Variants in AIPL1 observed in about 807,000 individuals in gnomAD.
The protein encoded by AIPL1 is AIP like 1 HSP90 co-chaperone.
AIPL1 carries 23 observed loss-of-function variants against 32.9 expected under a neutral mutation model. That is an observed-to-expected ratio of 0.70 (90% CI 0.50 to 0.99). The LOEUF (loss-of-function observed/expected upper bound fraction) is 0.99, where lower values mean the gene tolerates loss of function less well. AIPL1 is among the 50% of genes least tolerant of loss of function. The probability of loss-of-function intolerance (pLI) is 0.00; values close to 1 mark genes in which losing one functional copy is unlikely to be tolerated. For missense variants in AIPL1, 485 were observed against 506.0 expected (o/e 0.96, Z 0.40); for synonymous variants, 210 against 209.4 (o/e 1.00, Z -0.02).
rs1567645811 is a variant in AIPL1 at position 6,435,028 on chromosome 17, T to C, written c.77A>G (p.Asn26Ser). The C allele has an allele frequency of 6.2e-7, 1 of 1,614,144 alleles. No homozygotes were observed. The highest frequency in any genetic ancestry group is 8.5e-7 in the Non-Finnish European group (1 of 1,180,018). Residue 26 changes from asparagine to serine, a missense_variant, in exon 1 of 6, where the codon AAC becomes AGC. Transcript: ENST00000381129. ...ACTCACTCGGGATCCGGTGATGAAG[T>C]TTGGGAGCTCGCCCGTGCCCCCGTG... ...ILHGGTGELP[N>S]FITGSRVIFH...
At chr17:6,433,617 A>C (rs955643692) in intron 2 of AIPL1, among the ~76,000 whole-genome samples, 1 of 74,266 alleles carries the variant, frequency 1.3e-5, no homozygotes, top group East Asian at 2.9e-4. Flanking sequence ...TCTCTCACAC[A>C]CACACACACA....
At position 6,427,410 on chromosome 17, in the gene AIPL1, T is replaced by A. The variant is rs141771376; in HGVS notation, c.466-353A>T. On this transcript the variant is annotated intron_variant, in intron 3 of 5. Transcript: ENST00000381129. ...ATGAGCACCTTGGAGGAGATGCCGG[T>A]GCACCTTGTGCAGTGCACAGACCAC... 2.0e-5 allele frequency among the ~76,000 whole-genome samples: 3 copies of A among 152,386 alleles called. No homozygotes were observed. The East Asian group carries it at 5.8e-4, about 29-fold the overall frequency.
rs775646053 is a variant in AIPL1, at chr17:6,425,707, C to T, written c.908G>A (p.Arg303Lys). Residue 303 changes from arginine to lysine, a missense_variant, in exon 6 of 6, where the codon AGG (arginine) becomes AAG (lysine). By Grantham distance (26) the Arg-to-Lys change is conservative. Coordinates refer to ENST00000381129, the MANE Select transcript of AIPL1 (RefSeq NM_014336.5). ...GCGGTTCTCCAGCAGCCTCAGCTCC[C>T]TGCGCACCGCCTTCTGCATGGACGG... ...LEPSMQKAVRRELRLLENRMA... is the reference protein window; with the variant it reads ...LEPSMQKAVRKELRLLENRMA... The T allele has an allele frequency of 6.2e-7, 1 of 1,608,340 alleles. No individual in the cohort carries two copies. The highest frequency in any genetic ancestry group is 1.7e-5 in the Admixed American group (1 of 60,024).
rs761923853 is a variant in AIPL1 at position 6,426,945 on chromosome 17, C to T, written c.578G>A (p.Arg193His). 4 of 1,614,094 alleles carry T rather than the reference C, an allele frequency of 2.5e-6. No individual in the cohort carries two copies. Among genetic ancestry groups the T allele is most frequent in the East Asian group, 2.2e-5 (1 of 44,892 alleles). The change falls in exon 4 of 6, where the codon CGC (arginine) becomes CAC (histidine). Residue 193 changes from arginine (R) to histidine (H), a missense_variant. Physicochemically the swap from Arg to His is conservative, Grantham distance 29 (BLOSUM62 0). Coordinates refer to ENST00000381129, the MANE Select transcript of AIPL1 (RefSeq NM_014336.5). ...GTACTTGGAAGAGGCCTCCTCGTAGCGGCCCAGCTTGAAGAGCCGATTTCC... is the reference window on the plus strand; with the variant it reads ...GTACTTGGAAGAGGCCTCCTCGTAGTGGCCCAGCTTGAAGAGCCGATTTCC... ...GEGNRLFKLGRYEEASSKYQE... is the reference protein window; with the variant it reads ...GEGNRLFKLGHYEEASSKYQE...
intron 2 of AIPL1, among the ~76,000 whole-genome samples, chr17:6,429,413 C>T (rs148559811): frequency 2.6e-5 from 4 of 152,308 alleles, no homozygotes; most frequent in East Asian, 1.9e-4. Flanking sequence ...CCCGCCCCAC[C>T]GGCCGGGATT....
chr17:6,425,400 C>T lies in AIPL1; in HGVS notation c.*60G>A, dbSNP rs1421385659. On this transcript the variant is annotated 3_prime_UTR_variant, in exon 6 of 6. Coordinates refer to ENST00000381129, the MANE Select transcript of AIPL1 (RefSeq NM_014336.5). ...AAGTGACACCACGATCCTGGTCAAT[C>T]GAACCAGAAGTGACCAGGCCACTTG... 1.3e-5 allele frequency: 20 copies of T among 1,503,150 alleles called. No homozygotes were observed. In the East Asian group the frequency reaches 3.9e-4, roughly 29 times the overall value. 93.1% of individuals were successfully genotyped at this position (1,503,150 alleles called of 1,614,324 possible).
chr17:6,426,299 G>A (rs1478842494), intron 5 of AIPL1: 4 of 1,350,076 alleles, frequency 3.0e-6, no homozygotes, highest in East Asian at 6.1e-5. Flanking sequence ...TACTAGTACC[G>A]ACATCATAAT....
In AIPL1 at chr17:6,434,353, G is replaced by GCT. The variant is rs1555547872; in HGVS notation, c.97-256_97-255insAG. Among the ~76,000 whole-genome samples, 343 of 91,400 alleles carry GCT rather than the reference G, an allele frequency of 3.8e-3. 3 individuals carry two copies. Among genetic ancestry groups the GCT allele is most frequent in the African/African-American group, 0.013 (326 of 24,546 alleles). The allele number at this position is 91,400 out of a possible 152,430, so 60.0% of individuals were successfully genotyped here. A position where few individuals can be genotyped will look rare whatever the true frequency, so the allele number is the denominator to read the frequency against. On this transcript the variant is annotated intron_variant, in intron 1 of 5. Coordinates refer to ENST00000381129, the MANE Select transcript of AIPL1 (RefSeq NM_014336.5). ...GAAATCCTTCCTCAAGTAAGCCCGA[G>GCT]TTCTTTTTTTTTTTTTTTTTTCTGA...
At chr17:6,430,456 C>CAAAA (rs1169701817) in intron 2 of AIPL1, among the ~76,000 whole-genome samples, 4,945 of 44,426 alleles carry the variant, frequency 0.11, 641 homozygotes, top group Non-Finnish European at 0.15. Context: ...AAGTCCGTCT[C>CAAAA]AAAAAAAAAA....
At position 6,426,594 on chromosome 17, in the gene AIPL1, C is replaced by T. The variant is rs200210506; in HGVS notation, c.784+21G>A. 304 of 1,611,110 alleles carry T rather than the reference C, an allele frequency of 1.9e-4. No homozygotes were observed. Among genetic ancestry groups the T allele is most frequent in the Middle Eastern group, 3.3e-4 (2 of 5,976 alleles). ...CTGGGCTGGGCGCCCCCTCACTGTC[C>T]GCCCCTGCAGCCCCGCGCACCTGGG... On this transcript the variant is annotated intron_variant, in intron 5 of 5. Coordinates refer to ENST00000381129, the MANE Select transcript of AIPL1 (RefSeq NM_014336.5).
chr17:6,435,001 C>G lies in AIPL1; in HGVS notation c.96+8G>C. On this transcript the variant is annotated splice_region_variant and intron_variant, in intron 1 of 5. Coordinates refer to ENST00000381129, the MANE Select transcript of AIPL1 (RefSeq NM_014336.5). ...GGACCCTGTCTGCTCCGGAGGGGCC[C>G]CACTCACTCGGGATCCGGTGATGAA... 1 of 1,614,094 alleles carries G rather than the reference C, an allele frequency of 6.2e-7. No individual in the cohort carries two copies. Among genetic ancestry groups the G allele is most frequent in the South Asian group, 1.1e-5 (1 of 91,076 alleles).
chr17:6,424,442 C>G lies in AIPL1; in HGVS notation c.*1018G>C, dbSNP rs2871287. 6.6e-6 allele frequency: 1 copy of G among 152,198 alleles called. No homozygotes were observed. Among genetic ancestry groups the G allele is most frequent in the Non-Finnish European group, 1.5e-5 (1 of 68,060 alleles). The allele number at this position is 152,198 out of a possible 1,614,324, so 9.4% of individuals were successfully genotyped here. On this transcript the variant is annotated 3_prime_UTR_variant, in exon 6 of 6. Coordinates refer to ENST00000381129, the MANE Select transcript of AIPL1 (RefSeq NM_014336.5). ...TGCAGAACTGCCCTGAGCTGCTGCT[C>G]GCTGCCTATGGGGTAGCCCTGCTCT...
intron 3 of AIPL1, among the ~76,000 whole-genome samples, chr17:6,427,967 G>C (rs1912159633): frequency 6.6e-6 from 1 of 151,984 alleles, no homozygotes; most frequent in Non-Finnish European, 1.5e-5. Context: ...TTACAGGCAT[G>C]CACCACCACA....
intron 3 of AIPL1, 55 bp downstream of exon 3, chr17:6,428,254 ATGATGCCCG>A (rs1912192842): frequency 6.3e-7 from 1 of 1,581,956 alleles, no homozygotes; most frequent in Admixed American, 1.7e-5. Context: ...GGGGGTGCCC[ATGATGCCCG>A]CTGTCCCTCT....
Position 6,434,887 on chromosome 17 carries a change from G to A in AIPL1, c.96+122C>T, listed in dbSNP as rs890041378. ...GCTGGGAGCTCCCCGGAGGCCCAGC[G>A]CTGGGGCTGCCTGGCTGTTTTTTTG... On this transcript the variant is annotated intron_variant, in intron 1 of 5. Transcript: ENST00000381129. 4 of 1,528,578 alleles carry A rather than the reference G, an allele frequency of 2.6e-6. No individual in the cohort carries two copies. In the South Asian group the frequency reaches 4.9e-5, roughly 19 times the overall value. 94.7% of individuals were successfully genotyped at this position (1,528,578 alleles called of 1,614,324 possible).
At position 6,425,699 on chromosome 17, in the gene AIPL1, T is replaced by C. The variant is rs201801331; in HGVS notation, c.916A>G (p.Arg306Gly). Residue 306 changes from arginine to glycine, a missense_variant, in exon 6 of 6, where the codon AGG becomes GGG. Coordinates refer to ENST00000381129, the MANE Select transcript of AIPL1 (RefSeq NM_014336.5). ...SMQKAVRREL[R>G]LLENRMAEKQ... Reference sequence around the variant, plus strand: ...TCCGCCATGCGGTTCTCCAGCAGCCTCAGCTCCCTGCGCACCGCCTTCTGC... The same window carrying C: ...TCCGCCATGCGGTTCTCCAGCAGCCCCAGCTCCCTGCGCACCGCCTTCTGC... The C allele has an allele frequency of 2.5e-6, 4 of 1,608,640 alleles. No individual in the cohort carries two copies. Among genetic ancestry groups the C allele is most frequent in the African/African-American group, 1.3e-5 (1 of 74,906 alleles).
At chr17:6,430,456 C>CA (rs1169701817) in intron 2 of AIPL1, among the ~76,000 whole-genome samples, 5,137 of 43,580 alleles carry the variant, frequency 0.12, 612 homozygotes, top group East Asian at 0.16. Flanking sequence ...AAGTCCGTCT[C>CA]AAAAAAAAAA....
rs1913043185 is a variant in AIPL1, at chr17:6,435,031, G to C, written c.74C>G (p.Pro25Arg). 1.2e-6 allele frequency: 2 copies of C among 1,614,186 alleles called. No homozygotes were observed. The highest frequency in any genetic ancestry group is 4.5e-5 in the East Asian group (2 of 44,874). Reference protein sequence around the residue: ...TILHGGTGELPNFITGSRVIF... With the variant: ...TILHGGTGELRNFITGSRVIF... ...CACTCGGGATCCGGTGATGAAGTTT[G>C]GGAGCTCGCCCGTGCCCCCGTGCAG... Residue 25 changes from proline to arginine, a missense_variant, in exon 1 of 6, where the codon CCA (proline) becomes CGA (arginine). Pro to Arg is a moderately radical substitution (Grantham distance 103). Transcript: ENST00000381129.
chr17:6,434,080 T>C lies in AIPL1; in HGVS notation c.115A>G (p.Thr39Ala). 6.2e-7 allele frequency: 1 copy of C among 1,613,818 alleles called. No individual in the cohort carries two copies. The highest frequency in any genetic ancestry group is 8.5e-7 in the Non-Finnish European group (1 of 1,179,952). ...GTCCGCTCCTCATCACATTTCATGG[T>C]GCGGAAATGAAAGATCACCTAGTCA... Reference protein sequence around the residue: ...TGSRVIFHFRTMKCDEERTVI... With the variant: ...TGSRVIFHFRAMKCDEERTVI... The change falls in exon 2 of 6, where the codon ACC becomes GCC. Residue 39 changes from threonine to alanine, a missense_variant. By Grantham distance (58) the Thr-to-Ala change is moderately conservative. Coordinates refer to ENST00000381129, the MANE Select transcript of AIPL1 (RefSeq NM_014336.5).
Sources: allele counts gnomAD v4.1 joint callset (sites outside exome capture counted in the v4.1 genomes callset), GRCh38; gene constraint gnomAD v4.1.1; transcripts MANE v1.5; gene names NCBI Gene and HGNC (gene_info 2026-07-23, HGNC 2026-07-21).